MYRIP: variants seen among roughly 807,000 people sequenced by gnomAD.
MYRIP encodes the protein myosin VIIA and Rab interacting protein.
In MYRIP, 49 loss-of-function variants were observed where a neutral mutation model predicts 98.0. The observed-to-expected ratio is 0.50, with a 90% confidence interval of 0.40 to 0.63. MYRIP has a LOEUF of 0.63. Among genes scored for constraint, MYRIP ranks in the 30% least tolerant of loss-of-function variants. MYRIP has a pLI of 0.00. For missense variants in MYRIP, 1,004 were observed against 1,058.2 expected, an observed-to-expected ratio of 0.95 and a Z score of 0.71; for synonymous variants, 404 against 409.5, an observed-to-expected ratio of 0.99 and a Z score of 0.16.
chr3:39,885,936 G>C (rs941650680), intron 1 of MYRIP, among the ~76,000 whole-genome samples: 4 of 151,712 alleles, frequency 2.6e-5, no homozygotes, highest in Non-Finnish European at 5.9e-5. Context: ...TTTGCCTTTG[G>C]TTTGAATGTC....
chr3:40,216,842 G>A (rs148536998), intron 11 of MYRIP, among the ~76,000 whole-genome samples: 2 of 152,044 alleles, frequency 1.3e-5, no homozygotes, highest in Non-Finnish European at 2.9e-5. Flanking sequence ...AAAACACTAT[G>A]AACATCACAT....
At chr3:39,947,054 GT>G (rs1253436022) in intron 2 of MYRIP, among the ~76,000 whole-genome samples, 1 of 152,122 alleles carries the variant, frequency 6.6e-6, no homozygotes, top group Non-Finnish European at 1.5e-5. Context: ...ATATTATATG[GT>G]TAAGATAGCC....
At chr3:40,211,180 C>G (rs1241892285) in intron 11 of MYRIP, among the ~76,000 whole-genome samples, 4 of 152,158 alleles carry the variant, frequency 2.6e-5, no homozygotes, top group African/African-American at 4.8e-5. Context: ...ATCACAGGCC[C>G]CTTCCTTTAC....
intron 2 of MYRIP, among the ~76,000 whole-genome samples, chr3:39,997,692 G>C (rs556283493): frequency 6.6e-6 from 1 of 152,118 alleles, no homozygotes; most frequent in Admixed American, 6.5e-5. Flanking sequence ...TATGAGGCCA[G>C]CATCATCCTG....
chr3:40,128,506 C>G (rs1949567949), intron 3 of MYRIP, among the ~76,000 whole-genome samples: 1 of 152,148 alleles, frequency 6.6e-6, no homozygotes, highest in African/African-American at 2.4e-5. Context: ...TCATTTAACC[C>G]AAAACTCAGG....
At chr3:40,067,402 T>A (rs1476370562) in intron 3 of MYRIP, among the ~76,000 whole-genome samples, 1 of 152,198 alleles carries the variant, frequency 6.6e-6, no homozygotes. Context: ...ATATCTTTTC[T>A]GAGAGTATTT....
chr3:40,112,183 G>C (rs1250081664), intron 3 of MYRIP, among the ~76,000 whole-genome samples: 4 of 151,016 alleles, frequency 2.6e-5, no homozygotes, highest in Non-Finnish European at 5.9e-5. Flanking sequence ...GTGGATTAAG[G>C]CTGGAACACA....
chr3:39,999,739 C>T (rs1419228955), intron 2 of MYRIP, among the ~76,000 whole-genome samples: 4 of 152,090 alleles, frequency 2.6e-5, no homozygotes, highest in African/African-American at 7.2e-5. Flanking sequence ...ATGTTTATTG[C>T]AGCACTATTC....
Position 40,216,961 on chromosome 3 carries a change from CAT to C in MYRIP, c.1905+6869_1905+6870del, listed in dbSNP as rs373179279. Among the ~76,000 whole-genome samples the C allele has an allele frequency of 3.3e-3, 506 of 152,134 alleles. 19 individuals carry two copies. The South Asian group carries it at 0.064, about 19-fold the overall frequency. On this transcript the variant is annotated intron_variant, in intron 11 of 16. Coordinates refer to ENST00000302541, the MANE Select transcript of MYRIP (RefSeq NM_015460.4). ...GCATATACATACGTGTAAAAAATAA[CAT>C]GTGTGGCTTTAAGATTTGTTTTAAA...
At chr3:39,967,095 A>C (rs917445103) in intron 2 of MYRIP, among the ~76,000 whole-genome samples, 1 of 152,196 alleles carries the variant, frequency 6.6e-6, no homozygotes, top group Non-Finnish European at 1.5e-5. Context: ...AGTATATGTA[A>C]ATGTAAATTA....
chr3:40,245,007 G>T (rs1316817817), intron 13 of MYRIP, among the ~76,000 whole-genome samples: 1 of 152,188 alleles, frequency 6.6e-6, no homozygotes. Flanking sequence ...AAAGCTCCAT[G>T]AGAATAGAAC....
At chr3:40,038,638 A>G (rs144824489) in intron 2 of MYRIP, among the ~76,000 whole-genome samples, 4 of 152,284 alleles carry the variant, frequency 2.6e-5, no homozygotes, top group African/African-American at 9.6e-5. Flanking sequence ...GAAAACCTAA[A>G]CAAAAATAGA....
chr3:40,089,718 G>A (rs149698121), intron 3 of MYRIP, among the ~76,000 whole-genome samples: 4 of 152,324 alleles, frequency 2.6e-5, no homozygotes, highest in African/African-American at 9.6e-5. Context: ...TGTTCCAAGG[G>A]AAGGGCCTCT....
chr3:40,240,574 G>A (rs1327663068), intron 12 of MYRIP, among the ~76,000 whole-genome samples: 1 of 152,144 alleles, frequency 6.6e-6, no homozygotes, highest in Non-Finnish European at 1.5e-5. Flanking sequence ...CGAATACTGC[G>A]CTTTTCCGAT....
At chr3:39,937,743 A>T (rs1944687639) in intron 2 of MYRIP, among the ~76,000 whole-genome samples, 2 of 152,220 alleles carry the variant, frequency 1.3e-5, no homozygotes, top group African/African-American at 4.8e-5. Context: ...TGCTGACTTT[A>T]ACTTTCATAA....
At chr3:39,815,292 C>T (rs1371060330) in intron 1 of MYRIP, among the ~76,000 whole-genome samples, 1 of 152,106 alleles carries the variant, frequency 6.6e-6, no homozygotes, top group Non-Finnish European at 1.5e-5. Context: ...CAGTATGTGG[C>T]ATTTTGTGTC....
chr3:40,032,753 G>T (rs181209040), intron 2 of MYRIP, among the ~76,000 whole-genome samples: 62 of 152,166 alleles, frequency 4.1e-4, no homozygotes, highest in African/African-American at 1.4e-3. Flanking sequence ...CCAAACCCGG[G>T]CAGAGACACA....
intron 9 of MYRIP, among the ~76,000 whole-genome samples, 164 bp from the exon 10 acceptor site, chr3:40,189,662 T>G (rs180992723): frequency 6.6e-6 from 1 of 152,336 alleles, no homozygotes; most frequent in East Asian, 1.9e-4. Context: ...TTGGGGAACT[T>G]TGAACTCTGC....
At chr3:39,872,434 C>T (rs941058337) in intron 1 of MYRIP, among the ~76,000 whole-genome samples, 1 of 151,272 alleles carries the variant, frequency 6.6e-6, no homozygotes. Flanking sequence ...TATGCTGCAC[C>T]CATTAACTCG....
Sources: gnomAD v4.1 joint callset for allele counts (sites outside exome capture counted in the v4.1 genomes callset) on GRCh38, gnomAD v4.1.1 for gene constraint, MANE v1.5 for transcripts, NCBI Gene and HGNC (gene_info 2026-07-23, HGNC 2026-07-21) for gene names.